DSCAM: variants seen among roughly 807,000 people sequenced by gnomAD.
The protein encoded by DSCAM is DS cell adhesion molecule.
Under a neutral mutation model 217.7 loss-of-function variants are expected in DSCAM, and 47 were observed. The ratio of observed to expected loss-of-function variants is 0.22; its 90% CI spans 0.17 to 0.28. The LOEUF is 0.28. DSCAM is among the 10% of genes least tolerant of loss of function. The pLI is 1.00. For synonymous variants in DSCAM, 1,056 were observed against 1,015.3 expected (o/e 1.04, Z -0.76); for missense variants, 2,080 against 2,618.3 (o/e 0.79, Z 4.49).
intron 31 of DSCAM, 26 bp downstream of exon 31, chr21:40,044,052 A>G: frequency 7.4e-6 from 12 of 1,611,978 alleles, no homozygotes; most frequent in Non-Finnish European, 9.3e-6. Context: ...GTCCCCAGGG[A>G]CGGAGGAGGC....
At chr21:40,090,545 G>A (rs974763955) in intron 21 of DSCAM, among the ~76,000 whole-genome samples, 2 of 152,162 alleles carry the variant, frequency 1.3e-5, no homozygotes, top group African/African-American at 4.8e-5. Context: ...AGCAGCAGCA[G>A]CCTCACCTGA....
intron 1 of DSCAM, among the ~76,000 whole-genome samples, chr21:40,801,306 A>G (rs2091738537): frequency 6.6e-6 from 1 of 152,196 alleles, no homozygotes; most frequent in Admixed American, 6.5e-5. Context: ...TTAAAAACAT[A>G]ATTTATAATT....
intron 3 of DSCAM, among the ~76,000 whole-genome samples, chr21:40,660,212 G>A (rs2090124085): frequency 6.6e-6 from 1 of 152,124 alleles, no homozygotes; most frequent in Non-Finnish European, 1.5e-5. Context: ...TGCTTAACTT[G>A]AAAATCTGAG....
intron 17 of DSCAM, among the ~76,000 whole-genome samples, chr21:40,143,908 A>G (rs1485507012): frequency 6.6e-6 from 1 of 152,176 alleles, no homozygotes; most frequent in Admixed American, 6.5e-5. Context: ...CTTCCTGCCT[A>G]AAACACTGTG....
rs187638451 is a variant in DSCAM at position 40,492,554 on chromosome 21, A to T, written c.509-123309T>A. Among the ~76,000 whole-genome samples the T allele has an allele frequency of 9.0e-4, 137 of 152,064 alleles. 1 individual carries two copies. The East Asian group carries it at 0.019, about 21-fold the overall frequency. On this transcript the variant is annotated intron_variant, in intron 3 of 32. Transcript: ENST00000400454. ...AGCAGTGAGATTGACATTTTTTTTT[A>T]AAAGCAAATTCTGGAGCTAGAAAAT...
At chr21:40,811,950 G>A (rs2091843963) in intron 1 of DSCAM, among the ~76,000 whole-genome samples, 1 of 152,088 alleles carries the variant, frequency 6.6e-6, no homozygotes, top group Non-Finnish European at 1.5e-5. Context: ...CTCCAATTGA[G>A]GCATCCTTGC....
chr21:40,012,690 C>G lies in DSCAM; in HGVS notation c.*344G>C, dbSNP rs2088078783. The G allele has an allele frequency of 6.1e-6, 1 of 163,142 alleles. No individual in the cohort carries two copies. The highest frequency in any genetic ancestry group is 1.3e-5 in the Non-Finnish European group (1 of 75,580). 10.1% of individuals were successfully genotyped at this position (163,142 alleles called of 1,614,324 possible). A position where few individuals can be genotyped will look rare whatever the true frequency, so the allele number is the denominator to read the frequency against. On this transcript the variant is annotated 3_prime_UTR_variant, in exon 33 of 33. Coordinates refer to ENST00000400454, the MANE Select transcript of DSCAM (RefSeq NM_001389.5). ...GCTGATTTCCCACCCACCCTGTTTT[C>G]TTTCTTGCCTCTTGTGTGATAGAAC...
intron 28 of DSCAM, among the ~76,000 whole-genome samples, chr21:40,056,443 T>C (rs193091211): frequency 0.035 from 5,242 of 150,136 alleles, 148 homozygotes; most frequent in African/African-American, 0.077. Context: ...TCAAAATTTG[T>C]GTATCAGAAG....
chr21:40,695,882 T>G (rs902754476), intron 2 of DSCAM, among the ~76,000 whole-genome samples: 3 of 152,152 alleles, frequency 2.0e-5, no homozygotes, highest in African/African-American at 7.2e-5. Context: ...TAATAGAGCA[T>G]TGTTTGTTCC....
At chr21:40,537,758 ACTCT>A (rs917342548) in intron 3 of DSCAM, among the ~76,000 whole-genome samples, 1 of 151,988 alleles carries the variant, frequency 6.6e-6, no homozygotes, top group African/African-American at 2.4e-5. Context: ...CCTGGAATTG[ACTCT>A]CTCTCAGCCT....
intron 30 of DSCAM, among the ~76,000 whole-genome samples, chr21:40,049,342 G>A (rs948015151): frequency 2.0e-5 from 3 of 152,024 alleles, no homozygotes; most frequent in African/African-American, 7.3e-5. Context: ...CATCATGCGG[G>A]GAACCTTGGG....
intron 30 of DSCAM, among the ~76,000 whole-genome samples, chr21:40,045,085 A>T (rs2088822714): frequency 6.6e-6 from 1 of 152,222 alleles, no homozygotes; most frequent in South Asian, 2.1e-4. Flanking sequence ...CCATGGGATG[A>T]TGCAGGTGGA....
chr21:40,376,559 TA>T (rs2074958268), intron 3 of DSCAM, among the ~76,000 whole-genome samples: 5 of 116,188 alleles, frequency 4.3e-5, no homozygotes, highest in African/African-American at 1.8e-4. Flanking sequence ...TATCGATATC[TA>T]TATATCTTAT....
intron 3 of DSCAM, among the ~76,000 whole-genome samples, chr21:40,604,200 G>T (rs1308374063): frequency 6.6e-6 from 1 of 151,618 alleles, no homozygotes; most frequent in Non-Finnish European, 1.5e-5. Context: ...ATTCTTTCTT[G>T]TTTATATCTA....
chr21:40,055,741 G>C lies in DSCAM; in HGVS notation c.5019C>G (p.Asp1673Glu). Residue 1673 changes from aspartate to glutamate, a missense_variant, in exon 29 of 33, where the codon GAC becomes GAG. By Grantham distance (45) the Asp-to-Glu change is conservative (BLOSUM62 2). Around this residue, in one of 5 missense-constraint regions of DSCAM, gnomAD observed 1,144 missense variants for 1,421.1 expected, o/e 0.81. Transcript: ENST00000400454. ...PRAQLLIEER[D>E]TMETIDDRST... ...GCAGCTTACCAATGGTCTCCATCGT[G>C]TCTCTCTCTTCAATCAAAAGCTGAG... The C allele has an allele frequency of 1.9e-6, 3 of 1,613,090 alleles. No individual in the cohort carries two copies. The highest frequency in any genetic ancestry group is 2.5e-6 in the Non-Finnish European group (3 of 1,179,086).
intron 11 of DSCAM, among the ~76,000 whole-genome samples, chr21:40,249,606 G>A (rs999044699): frequency 3.9e-5 from 6 of 152,186 alleles, no homozygotes; most frequent in Non-Finnish European, 7.3e-5. Context: ...GAACAAACAC[G>A]AGTATGAAAG....
At chr21:40,711,227 T>C (rs930286759) in intron 1 of DSCAM, among the ~76,000 whole-genome samples, 6 of 152,184 alleles carry the variant, frequency 3.9e-5, no homozygotes, top group Non-Finnish European at 7.3e-5. Flanking sequence ...CTTCCAGATC[T>C]AGTCTTTCTC....
intron 3 of DSCAM, among the ~76,000 whole-genome samples, chr21:40,421,861 G>A (rs1601630216): frequency 6.6e-6 from 1 of 152,230 alleles, no homozygotes; most frequent in African/African-American, 2.4e-5. Flanking sequence ...GTGCCCTGCA[G>A]GGGAGGGTGC....
chr21:40,394,382 A>G (rs376589084), intron 3 of DSCAM, among the ~76,000 whole-genome samples: 9 of 152,368 alleles, frequency 5.9e-5, no homozygotes, highest in East Asian at 5.8e-4. Flanking sequence ...CCAATGCCAC[A>G]TTCTTTCTTC....
Sources: gnomAD v4.1 joint callset for allele counts (sites outside exome capture counted in the v4.1 genomes callset) on GRCh38, gnomAD v4.1.1 for gene constraint, gnomAD v4.1.1 regional missense constraint, MANE v1.5 for transcripts, NCBI Gene and HGNC (gene_info 2026-07-23, HGNC 2026-07-21) for gene names.